Variants in LRRIQ3 observed in about 807,000 individuals in gnomAD.
LRRIQ3 encodes the protein leucine rich repeats and IQ motif containing 3.
A neutral mutation model predicts 59.3 loss-of-function variants in LRRIQ3; 75 were observed. The ratio of observed to expected loss-of-function variants is 1.26; its 90% CI spans 1.05 to 1.53. The LOEUF (loss-of-function observed/expected upper bound fraction) is 1.53. LRRIQ3 is among the 40% of genes most tolerant of loss of function. LRRIQ3 has a pLI of 0.00. For synonymous variants in LRRIQ3, 250 were observed against 231.3 expected (o/e 1.08, Z -0.73); for missense variants, 831 against 710.0 (o/e 1.17, Z -1.94).
intron 4 of LRRIQ3, among the ~76,000 whole-genome samples, chr1:74,149,859 A>G (rs952094111): frequency 6.6e-6 from 1 of 152,160 alleles, no homozygotes; most frequent in Non-Finnish European, 1.5e-5. Flanking sequence ...AAAAACTGCC[A>G]CTCAATTCCA....
At chr1:74,071,972 T>C (rs574622576) in intron 6 of LRRIQ3, among the ~76,000 whole-genome samples, 5 of 152,270 alleles carry the variant, frequency 3.3e-5, no homozygotes, top group Non-Finnish European at 5.9e-5. Flanking sequence ...CTCAACAATA[T>C]ATTAATTATT....
chr1:74,127,323 G>C (rs1158107561), intron 4 of LRRIQ3, among the ~76,000 whole-genome samples: 1 of 151,922 alleles, frequency 6.6e-6, no homozygotes, highest in Non-Finnish European at 1.5e-5. Context: ...TTTGATTGGA[G>C]AGGTTAGTCT....
intron 6 of LRRIQ3, among the ~76,000 whole-genome samples, chr1:74,064,369 T>C (rs1654812901): frequency 6.6e-6 from 1 of 152,030 alleles, no homozygotes; most frequent in South Asian, 2.1e-4. Context: ...CTATATGTTA[T>C]ATGGCCAACA....
chr1:74,126,533 T>C (rs1358146400), intron 4 of LRRIQ3, among the ~76,000 whole-genome samples: 1 of 151,844 alleles, frequency 6.6e-6, no homozygotes, highest in Non-Finnish European at 1.5e-5. Flanking sequence ...TATTTTATAA[T>C]ATTTGGTAGG....
chr1:74,055,537 T>C (rs1228600304), intron 6 of LRRIQ3, among the ~76,000 whole-genome samples: 1 of 152,196 alleles, frequency 6.6e-6, no homozygotes, highest in Non-Finnish European at 1.5e-5. Context: ...CATTCCTCTT[T>C]GTAATTGAGT....
intron 3 of LRRIQ3, among the ~76,000 whole-genome samples, chr1:74,175,145 T>C (rs1649562043): frequency 6.6e-6 from 1 of 152,174 alleles, no homozygotes; most frequent in Non-Finnish European, 1.5e-5. Flanking sequence ...CAGCGTCTAC[T>C]GGCTCTGAAG....
At chr1:74,130,115 G>T (rs1324547511) in intron 4 of LRRIQ3, among the ~76,000 whole-genome samples, 1 of 151,978 alleles carries the variant, frequency 6.6e-6, no homozygotes, top group African/African-American at 2.4e-5. Flanking sequence ...ATCTCATTTG[G>T]TTATGCTCCC....
chr1:74,026,854 T>C lies in LRRIQ3; in HGVS notation c.1834A>G (p.Thr612Ala). The change falls in exon 8 of 8, where the codon ACA becomes GCA. Residue 612 changes from threonine to alanine, a missense_variant. Coordinates refer to ENST00000354431, the MANE Select transcript of LRRIQ3 (RefSeq NM_001105659.2). ...DAKTKVAIVK[T>A]NLDFKVPNGL... is the part of the protein sequence containing the mutation. ...TTGGGAACTTTAAAGTCTAAATTTG[T>C]TTTCACAATTGCTACTTTTGTTTTA... 1 of 1,609,144 alleles carries C rather than the reference T, an allele frequency of 6.2e-7. No homozygotes were observed. The highest frequency in any genetic ancestry group is 8.5e-7 in the Non-Finnish European group (1 of 1,177,802).
chr1:74,168,099 T>C (rs372746419), intron 3 of LRRIQ3, among the ~76,000 whole-genome samples: 17 of 152,040 alleles, frequency 1.1e-4, no homozygotes, highest in African/African-American at 3.6e-4. Context: ...TTACATACTA[T>C]TGGTTAATAG....
chr1:74,144,479 GTT>G, intron 4 of LRRIQ3: 3 of 257,786 alleles, frequency 1.2e-5, no homozygotes, highest in Non-Finnish European at 2.3e-5. Context: ...GAAAAAAAAT[GTT>G]TTTTTTTTCT....
chr1:74,052,027 T>C (rs561938796), intron 6 of LRRIQ3, among the ~76,000 whole-genome samples: 1 of 152,248 alleles, frequency 6.6e-6, no homozygotes, highest in East Asian at 1.9e-4. Flanking sequence ...TTAATAATTA[T>C]ATTATTTCCC....
intron 6 of LRRIQ3, among the ~76,000 whole-genome samples, chr1:74,056,679 C>T (rs138305413): frequency 6.6e-6 from 1 of 152,084 alleles, no homozygotes; most frequent in African/African-American, 2.4e-5. Context: ...ATTTATATAA[C>T]ATAAAATACA....
At chr1:74,196,000 T>A (rs539919303) in intron 1 of LRRIQ3, among the ~76,000 whole-genome samples, 10 of 151,944 alleles carry the variant, frequency 6.6e-5, no homozygotes, top group African/African-American at 1.9e-4. Flanking sequence ...TAGTATTTTT[T>A]AATTTTTTTT....
chr1:74,152,052 C>T (rs997847190), intron 4 of LRRIQ3, among the ~76,000 whole-genome samples: 4 of 151,908 alleles, frequency 2.6e-5, no homozygotes, highest in African/African-American at 9.7e-5. Context: ...ACAATGGAAG[C>T]AGGCCAGAAA....
At chr1:74,088,185 C>T (rs1646350665) in intron 5 of LRRIQ3, among the ~76,000 whole-genome samples, 2 of 152,060 alleles carry the variant, frequency 1.3e-5, no homozygotes, top group South Asian at 4.1e-4. Context: ...AACTAACTCT[C>T]CACATAGATT....
chr1:74,059,289 G>C (rs1654631183), intron 6 of LRRIQ3, among the ~76,000 whole-genome samples: 1 of 149,122 alleles, frequency 6.7e-6, no homozygotes, highest in Non-Finnish European at 1.5e-5. Context: ...TATGCTCCTA[G>C]TGGCATATCT....
In LRRIQ3 at chr1:74,041,799, A is replaced by C. The variant is rs1312272758; in HGVS notation, c.1132T>G (p.Phe378Val). 6.2e-7 allele frequency: 1 copy of C among 1,613,624 alleles called. No individual in the cohort carries two copies. Among genetic ancestry groups the C allele is most frequent in the Non-Finnish European group, 8.5e-7 (1 of 1,179,756 alleles). The change falls in exon 7 of 8, where the codon TTT (phenylalanine) becomes GTT (valine). Residue 378 changes from phenylalanine to valine, a missense_variant. By Grantham distance (50) the Phe-to-Val change is conservative. Transcript: ENST00000354431. The part of the protein sequence containing the change: ...AVLREKKQHF[F>V]PAYPQPIYTT... ...TAGATTGGCTGAGGATATGCAGGAA[A>C]AAAATGTTGTTTTTTCTCTCTCAAT...
intron 3 of LRRIQ3, among the ~76,000 whole-genome samples, chr1:74,172,496 A>T (rs965014021): frequency 3.9e-5 from 6 of 152,096 alleles, no homozygotes; most frequent in African/African-American, 1.4e-4. Context: ...CTTATATGTG[A>T]CTATGTCATT....
At chr1:74,113,923 T>C (rs1197931886) in intron 4 of LRRIQ3, among the ~76,000 whole-genome samples, 1 of 151,694 alleles carries the variant, frequency 6.6e-6, no homozygotes, top group Non-Finnish European at 1.5e-5. Context: ...AAAGTAATTA[T>C]ATAAACATAT....
Sources: allele counts gnomAD v4.1 joint callset (sites outside exome capture counted in the v4.1 genomes callset), GRCh38; gene constraint gnomAD v4.1.1; transcripts MANE v1.5; gene names NCBI Gene and HGNC (gene_info 2026-07-23, HGNC 2026-07-21).